Variants in BASP1 observed in about 807,000 individuals in gnomAD.
The protein encoded by BASP1 is brain abundant membrane attached signal protein 1.
A neutral mutation model predicts 2.2 loss-of-function variants in BASP1; 1 was observed. The observed-to-expected ratio is 0.46, with a 90% confidence interval of 0.16 to 2.17. The LOEUF (loss-of-function observed/expected upper bound fraction) is 2.17. BASP1 is among the 30% of genes most tolerant of loss of function. The pLI is 0.27. For synonymous variants in BASP1, 187 were observed against 154.2 expected (o/e 1.21, Z -1.58); for missense variants, 352 against 327.2 (o/e 1.08, Z -0.58).
At chr5:17,268,078 C>A (rs1159776243) in intron 1 of BASP1, among the ~76,000 whole-genome samples, 1 of 151,684 alleles carries the variant, frequency 6.6e-6, no homozygotes, top group East Asian at 1.9e-4. Flanking sequence ...AATTATTTTT[C>A]CCCCTAGAAA....
At chr5:17,234,596 G>A (rs1022523474) in intron 1 of BASP1, among the ~76,000 whole-genome samples, 8 of 152,324 alleles carry the variant, frequency 5.3e-5, no homozygotes, top group African/African-American at 1.9e-4. Flanking sequence ...CCATGTGAAT[G>A]TGACGTGGGA....
In BASP1 at chr5:17,238,743, T is replaced by TA. The variant is rs1330422161; in HGVS notation, c.-10+20933_-10+20934insA. Among the ~76,000 whole-genome samples the TA allele has an allele frequency of 7.2e-5, 11 of 152,254 alleles. No homozygotes were observed. In the East Asian group the frequency reaches 1.9e-3, roughly 27 times the overall value. On this transcript the variant is annotated intron_variant, in intron 1 of 1. Transcript: ENST00000322611. ...TATCTGATGTATGGCATCAATTATA[T>TA]GACTATTTAAACATGACTCATAGTG...
chr5:17,239,809 A>G (rs1455433435), intron 1 of BASP1, among the ~76,000 whole-genome samples: 2 of 152,202 alleles, frequency 1.3e-5, no homozygotes, highest in Admixed American at 6.5e-5. Context: ...GTGAATTTGT[A>G]CTAATTCAAA....
chr5:17,232,759 A>G (rs1739661141), intron 1 of BASP1, among the ~76,000 whole-genome samples: 1 of 151,892 alleles, frequency 6.6e-6, no homozygotes, highest in South Asian at 2.1e-4. Context: ...CACAACTAAG[A>G]CATCATTTGT....
intron 1 of BASP1, among the ~76,000 whole-genome samples, chr5:17,263,776 G>A (rs1165584719): frequency 6.6e-6 from 1 of 152,170 alleles, no homozygotes; most frequent in East Asian, 1.9e-4. Context: ...TTTTTACAGT[G>A]AGGAACATTT....
At chr5:17,258,045 T>C (rs973853014) in intron 1 of BASP1, among the ~76,000 whole-genome samples, 1 of 152,204 alleles carries the variant, frequency 6.6e-6, no homozygotes, top group African/African-American at 2.4e-5. Flanking sequence ...CTCCTCTGGC[T>C]AAACTGTGGT....
chr5:17,269,485 C>CT (rs1740489132), intron 1 of BASP1, among the ~76,000 whole-genome samples: 1 of 152,216 alleles, frequency 6.6e-6, no homozygotes. Context: ...GATTTGCCTG[C>CT]TTTCCAGCCC....
At chr5:17,242,920 G>T (rs1739897906) in intron 1 of BASP1, among the ~76,000 whole-genome samples, 1 of 151,900 alleles carries the variant, frequency 6.6e-6, no homozygotes, top group African/African-American at 2.4e-5. Flanking sequence ...TGGGGGCAGG[G>T]AGGACATGTC....
chr5:17,218,722 C>T (rs1001255924), intron 1 of BASP1, among the ~76,000 whole-genome samples: 1 of 152,060 alleles, frequency 6.6e-6, no homozygotes, highest in Non-Finnish European at 1.5e-5. Flanking sequence ...TGAAACCCGG[C>T]GCCCGGTTCC....
intron 1 of BASP1, among the ~76,000 whole-genome samples, chr5:17,234,455 CAG>C (rs1163978277): frequency 6.6e-6 from 1 of 152,146 alleles, no homozygotes; most frequent in African/African-American, 2.4e-5. Context: ...AATGAAACAT[CAG>C]TGGCATTTGT....
chr5:17,275,401 C>G lies in BASP1; in HGVS notation c.185C>G (p.Ala62Gly), dbSNP rs776411071. 2.5e-6 allele frequency: 4 copies of G among 1,577,120 alleles called. No individual in the cohort carries two copies. In the African/African-American group the frequency reaches 5.4e-5, roughly 21 times the overall value. ...GGCAAGGAGAAGCCCGACCAGGACG[C>G]CGAGGGCAAGGCCGAGGAGAAGGAG... ...KEGKEKPDQD[A>G]EGKAEEKEGE... Residue 62 changes from alanine to glycine, a missense_variant, in exon 2 of 2, where the codon GCC (alanine) becomes GGC (glycine). Physicochemically the swap from Ala to Gly is moderately conservative, Grantham distance 60 (BLOSUM62 0). Transcript: ENST00000322611. This position sits in a 1 kb window ranked among gnomAD's most constrained non-coding sequence, Gnocchi z 5.3.
At chr5:17,259,806 G>C (rs1468825031) in intron 1 of BASP1, among the ~76,000 whole-genome samples, 1 of 152,214 alleles carries the variant, frequency 6.6e-6, no homozygotes, top group Non-Finnish European at 1.5e-5. Flanking sequence ...GATCGAGCCT[G>C]TCATGGCTCC....
At chr5:17,233,759 TTTTC>T (rs1283690696) in intron 1 of BASP1, among the ~76,000 whole-genome samples, 1 of 152,008 alleles carries the variant, frequency 6.6e-6, no homozygotes. Flanking sequence ...TGATATTTTC[TTTTC>T]TTTGTTTTTT....
In BASP1 at chr5:17,270,104, G is replaced by A. The variant is rs531251016; in HGVS notation, c.-9-5104G>A. Among the ~76,000 whole-genome samples, 22 of 152,238 alleles carry A rather than the reference G, an allele frequency of 1.4e-4. 1 individual carries two copies. The South Asian group carries it at 4.1e-3, about 29-fold the overall frequency. On this transcript the variant is annotated intron_variant, in intron 1 of 1. Transcript: ENST00000322611. Reference sequence around the variant, plus strand: ...CAACCTCCACTTCCCAGGTTCAAGCGATTCTCCTGCCTCAGCCTCCTGAGT... The same window carrying A: ...CAACCTCCACTTCCCAGGTTCAAGCAATTCTCCTGCCTCAGCCTCCTGAGT...
Position 17,275,494 on chromosome 5 carries a change from C to T in BASP1, c.278C>T (p.Ala93Val), listed in dbSNP as rs1447299558. ...PKAEPEKTEG[A>V]AEAKAEPPKA... ...GCGGAGCCCGAGAAGACGGAGGGCG[C>T]GGCAGAGGCCAAGGCTGAGCCCCCG... Residue 93 changes from alanine (A) to valine (V), a missense_variant, in exon 2 of 2, where the codon GCG becomes GTG. Transcript: ENST00000322611. This position sits in a 1 kb window ranked among gnomAD's most constrained non-coding sequence, Gnocchi z 5.3. The T allele has an allele frequency of 2.7e-6, 4 of 1,478,152 alleles. No individual in the cohort carries two copies. Among genetic ancestry groups the T allele is most frequent in the South Asian group, 2.8e-5 (2 of 71,060 alleles). 91.6% of individuals were successfully genotyped at this position (1,478,152 alleles called of 1,614,324 possible).
chr5:17,275,971 ATCTCTCTCTCTATCTCC>A lies in BASP1; in HGVS notation c.*83_*99del. 1 of 812,826 alleles carries A rather than the reference ATCTCTCTCTCTATCTCC, an allele frequency of 1.2e-6. No homozygotes were observed. Among genetic ancestry groups the A allele is most frequent in the Non-Finnish European group, 1.7e-6 (1 of 585,706 alleles). The allele number at this position is 812,826 out of a possible 1,614,324, so 50.4% of individuals were successfully genotyped here. A position where few individuals can be genotyped will look rare whatever the true frequency, so the allele number is the denominator to read the frequency against. On this transcript the variant is annotated 3_prime_UTR_variant, in exon 2 of 2. Coordinates refer to ENST00000322611, the MANE Select transcript of BASP1 (RefSeq NM_006317.5). This position sits in a 1 kb window ranked among gnomAD's most constrained non-coding sequence, Gnocchi z 5.3. ...TCTCTCTCTCTCTCTCTCTCTCTCT[ATCTCTCTCTCTATCTCC>A]TCTCTCTCTCTCCTCTCCTATCTCT... is the stretch of plus-strand genomic sequence containing the variant.
chr5:17,239,300 A>T (rs1739811632), intron 1 of BASP1, among the ~76,000 whole-genome samples: 1 of 152,056 alleles, frequency 6.6e-6, no homozygotes, highest in African/African-American at 2.4e-5. Context: ...TCACCATGTT[A>T]GCCAGGATGG....
At chr5:17,254,412 C>T (rs760678880) in intron 1 of BASP1, among the ~76,000 whole-genome samples, 6 of 152,320 alleles carry the variant, frequency 3.9e-5, no homozygotes, top group Non-Finnish European at 5.9e-5. Flanking sequence ...TCACCTATCA[C>T]AATCAAGATT....
intron 1 of BASP1, among the ~76,000 whole-genome samples, chr5:17,272,091 AAG>A (rs1018885940): frequency 1.7e-4 from 26 of 152,062 alleles, no homozygotes; most frequent in African/African-American, 5.8e-4. Context: ...AAAAAAAAGA[AAG>A]AAAAGAAAAA....
Sources: allele counts gnomAD v4.1 joint callset (sites outside exome capture counted in the v4.1 genomes callset), GRCh38; gene constraint gnomAD v4.1.1; non-coding constraint Gnocchi (gnomAD v3.1); transcripts MANE v1.5; gene names NCBI Gene and HGNC (gene_info 2026-07-23, HGNC 2026-07-21).